Variants in RANBP2 observed in about 807,000 individuals in gnomAD.
RANBP2 encodes E3 SUMO-protein ligase RanBP2.
A neutral mutation model predicts 303.6 loss-of-function variants in RANBP2; 57 were observed. That is an observed-to-expected ratio of 0.19 (90% CI 0.15 to 0.23). RANBP2 has a LOEUF of 0.23. RANBP2 is among the 10% of genes least tolerant of loss of function. The pLI is 1.00. For synonymous variants in RANBP2, 1,167 were observed against 1,301.5 expected (o/e 0.90, Z 2.23); for missense variants, 3,138 against 3,780.8 (o/e 0.83, Z 4.46).
At chr2:108,798,367 G>T in the RANBP2 span, 1 of 1,560,268 alleles carries the variant, frequency 6.4e-7, no homozygotes, top group South Asian at 1.2e-5. Flanking sequence ...CAGCCAATAG[G>T]AATATAATTT....
the RANBP2 span, among the ~76,000 whole-genome samples, chr2:109,621,358 G>A: frequency 2.0e-5 from 3 of 151,846 alleles, no homozygotes; most frequent in African/African-American, 4.8e-5. Flanking sequence ...TCACCATGTT[G>A]GCCAGGATGG....
the RANBP2 span, among the ~76,000 whole-genome samples, chr2:109,117,919 C>T: frequency 3.2e-4 from 49 of 152,308 alleles, 1 homozygote; most frequent in South Asian, 9.7e-3. Context: ...CTTGTAACTG[C>T]CTTGAGGAAC....
the RANBP2 span, among the ~76,000 whole-genome samples, chr2:109,266,654 A>G: frequency 5.3e-5 from 8 of 151,744 alleles, no homozygotes; most frequent in Non-Finnish European, 7.4e-5. Flanking sequence ...TCCTCAGCAC[A>G]AAGGGCAGCT....
chr2:109,283,247 G>A, the RANBP2 span, among the ~76,000 whole-genome samples: 1 of 152,196 alleles, frequency 6.6e-6, no homozygotes, highest in Non-Finnish European at 1.5e-5. Flanking sequence ...CTGGGTGCTT[G>A]GGCCATGGCC....
chr2:109,162,886 A>AAT, the RANBP2 span, among the ~76,000 whole-genome samples: 5 of 150,500 alleles, frequency 3.3e-5, no homozygotes, highest in African/African-American at 1.2e-4. Context: ...TACCAAAAAA[A>AAT]CCACCTCTTG....
chr2:109,476,969 G>A, the RANBP2 span, among the ~76,000 whole-genome samples: 1 of 152,202 alleles, frequency 6.6e-6, no homozygotes, highest in Non-Finnish European at 1.5e-5. Flanking sequence ...GTTTTGGTGG[G>A]ATTTAGCTAG....
At chr2:109,410,242 A>T in the RANBP2 span, among the ~76,000 whole-genome samples, 1 of 152,220 alleles carries the variant, frequency 6.6e-6, no homozygotes, top group Non-Finnish European at 1.5e-5. Flanking sequence ...TTGATGAAAC[A>T]CATCGCCGTC....
At chr2:109,532,517 G>A in the RANBP2 span, among the ~76,000 whole-genome samples, 6 of 152,202 alleles carry the variant, frequency 3.9e-5, no homozygotes, top group South Asian at 1.2e-3. Flanking sequence ...AAAATCTCAC[G>A]GGGAGCACAG....
the RANBP2 span, among the ~76,000 whole-genome samples, chr2:109,154,802 A>G: frequency 6.6e-6 from 1 of 152,174 alleles, no homozygotes; most frequent in East Asian, 1.9e-4. Flanking sequence ...TGGTGACACC[A>G]ACCTGCTGCA....
At chr2:108,824,068 CAGTGAGTGAGT>C in the RANBP2 span, among the ~76,000 whole-genome samples, 1 of 151,960 alleles carries the variant, frequency 6.6e-6, no homozygotes, top group African/African-American at 2.4e-5. Context: ...CTGGGAGAGT[CAGTGAGTGAGT>C]AGTGAGTGAG....
the RANBP2 span, among the ~76,000 whole-genome samples, chr2:109,742,779 T>C: frequency 3.4e-5 from 5 of 147,800 alleles, 1 homozygote; most frequent in African/African-American, 1.3e-4. Context: ...TACTCACTTA[T>C]CTCACTTATA....
At chr2:109,703,467 C>T in the RANBP2 span, among the ~76,000 whole-genome samples, 3 of 152,186 alleles carry the variant, frequency 2.0e-5, no homozygotes, top group Non-Finnish European at 2.9e-5. Flanking sequence ...CTCGCTCTGT[C>T]GCCCAGGCTG....
the RANBP2 span, among the ~76,000 whole-genome samples, chr2:109,590,188 T>G: frequency 6.6e-6 from 1 of 151,952 alleles, no homozygotes; most frequent in African/African-American, 2.4e-5. Flanking sequence ...CAGTCAGCAG[T>G]AGACTTACAG....
the RANBP2 span, among the ~76,000 whole-genome samples, chr2:109,029,821 A>C: frequency 1.3e-5 from 2 of 152,198 alleles, no homozygotes; most frequent in Non-Finnish European, 2.9e-5. Flanking sequence ...TTGCACAATG[A>C]AAGGCTGTTT....
the RANBP2 span, among the ~76,000 whole-genome samples, chr2:109,359,726 G>T: frequency 3.9e-5 from 6 of 152,056 alleles, no homozygotes; most frequent in Non-Finnish European, 8.8e-5. Flanking sequence ...TTATGTAATG[G>T]GTTGTAGTCA....
At chr2:109,173,161 G>T in the RANBP2 span, among the ~76,000 whole-genome samples, 3 of 152,100 alleles carry the variant, frequency 2.0e-5, no homozygotes, top group Non-Finnish European at 4.4e-5. Context: ...TAGGGCTTTG[G>T]AATCTTTTTT....
chr2:109,036,963 G>C, the RANBP2 span, among the ~76,000 whole-genome samples: 1 of 152,096 alleles, frequency 6.6e-6, no homozygotes, highest in South Asian at 2.1e-4. Flanking sequence ...GGCCAACATG[G>C]TGAGACCTCG....
At chr2:108,837,436 T>C in the RANBP2 span, among the ~76,000 whole-genome samples, 1 of 152,192 alleles carries the variant, frequency 6.6e-6, no homozygotes, top group Non-Finnish European at 1.5e-5. Flanking sequence ...CACTGTATAA[T>C]GATGTTTAAG....
At chr2:109,767,209 G>A in the RANBP2 span, among the ~76,000 whole-genome samples, 3 of 143,456 alleles carry the variant, frequency 2.1e-5, no homozygotes, top group African/African-American at 7.7e-5. Flanking sequence ...TCATAAACAA[G>A]GAAGAATACA....
Sources: gnomAD v4.1 joint callset for allele counts (sites outside exome capture counted in the v4.1 genomes callset) on GRCh38, gnomAD v4.1.1 for gene constraint, MANE v1.5 for transcripts, NCBI Gene and HGNC (gene_info 2026-07-23, HGNC 2026-07-21) for gene names.